GXYLT1: variants seen among roughly 807,000 people sequenced by gnomAD.
The protein encoded by GXYLT1 is glycosyltransferase 8 domain containing 3.
GXYLT1 carries 29 observed loss-of-function variants against 54.0 expected under a neutral mutation model. The ratio of observed to expected loss-of-function variants is 0.54; its 90% CI spans 0.40 to 0.73. GXYLT1 has a LOEUF of 0.73. GXYLT1 is among the 30% of genes least tolerant of loss of function. GXYLT1 has a pLI of 0.00. For synonymous variants in GXYLT1, 176 were observed against 204.1 expected (o/e 0.86, Z 1.17); for missense variants, 490 against 553.4 (o/e 0.89, Z 1.15).
At chr12:42,098,857 TTC>T (rs1401528713) in intron 5 of GXYLT1, among the ~76,000 whole-genome samples, 2 of 150,672 alleles carry the variant, frequency 1.3e-5, no homozygotes, top group African/African-American at 4.9e-5. Context: ...TGTATGCTAT[TTC>T]TTTTGAGGGT....
chr12:42,129,946 A>G (rs555771244), intron 1 of GXYLT1, 95 bp from the exon 2 acceptor site: 2 of 713,968 alleles, frequency 2.8e-6, no homozygotes, highest in Admixed American at 5.3e-5. Flanking sequence ...TTACTGTTCT[A>G]TTTTAAAGCA....
chr12:42,099,156 C>G (rs1034244941), intron 5 of GXYLT1, among the ~76,000 whole-genome samples: 4 of 152,140 alleles, frequency 2.6e-5, no homozygotes, highest in Non-Finnish European at 5.9e-5. Flanking sequence ...TCACCCAACC[C>G]ATTTTAACAA....
At chr12:42,101,225 G>C (rs1366280063) in intron 5 of GXYLT1, among the ~76,000 whole-genome samples, 1 of 152,032 alleles carries the variant, frequency 6.6e-6, no homozygotes, top group Non-Finnish European at 1.5e-5. Flanking sequence ...ATAAGAAAGA[G>C]AAAACCAAGA....
intron 1 of GXYLT1, among the ~76,000 whole-genome samples, chr12:42,132,449 TCAATA>T (rs1304505937): frequency 6.6e-6 from 1 of 152,228 alleles, no homozygotes; most frequent in Non-Finnish European, 1.5e-5. Flanking sequence ...AATACTTCAA[TCAATA>T]CATTTTATTA....
In GXYLT1 at chr12:42,084,697, C is replaced by T. The variant is rs2065277512; in HGVS notation, c.*3089G>A. 1 of 152,288 alleles carries T rather than the reference C, an allele frequency of 6.6e-6. No homozygotes were observed. 9.4% of individuals were successfully genotyped at this position (152,288 alleles called of 1,614,324 possible). On this transcript the variant is annotated 3_prime_UTR_variant, in exon 8 of 8. Transcript: ENST00000398675. ...TTTTCACTATACCAATAACATCTGA[C>T]TGGAGGCAAGATGAGAGAGCAATGA... is the stretch of plus-strand genomic sequence containing the variant.
Position 42,119,000 on chromosome 12 carries a change from T to A in GXYLT1, c.486A>T (p.Arg162Ser). The A allele has an allele frequency of 6.2e-7, 1 of 1,611,050 alleles. No individual in the cohort carries two copies. Among genetic ancestry groups the A allele is most frequent in the East Asian group, 2.2e-5 (1 of 44,868 alleles). Residue 162 changes from arginine to serine, a missense_variant and splice_region_variant, in exon 3 of 8, where the codon AGA (arginine) becomes AGT (serine). Arg to Ser is a moderately radical substitution (Grantham distance 110). Coordinates refer to ENST00000398675, the MANE Select transcript of GXYLT1 (RefSeq NM_173601.2). Reference sequence around the variant, plus strand: ...CCTTGACTATGTCTCAAATACTTACTCTGCCTTTAAAGCTATGATGTAGCT... The same window carrying A: ...CCTTGACTATGTCTCAAATACTTACACTGCCTTTAAAGCTATGATGTAGCT... ...EDQLHHSFKGRLDNWSFLQTF... is the reference protein window; with the variant it reads ...EDQLHHSFKGSLDNWSFLQTF...
At chr12:42,131,866 G>A (rs1376315250) in intron 1 of GXYLT1, among the ~76,000 whole-genome samples, 2 of 152,166 alleles carry the variant, frequency 1.3e-5, no homozygotes, top group Non-Finnish European at 2.9e-5. Flanking sequence ...AGGTAGGTAT[G>A]ATCTCCGTCT....
intron 6 of GXYLT1, 117 bp from the exon 7 acceptor site, chr12:42,097,731 G>T (rs2065364445): frequency 1.8e-6 from 2 of 1,107,532 alleles, no homozygotes; most frequent in Admixed American, 2.7e-5. Context: ...AATGAAAAAT[G>T]TCTGGCATTT....
chr12:42,109,921 A>G (rs1049258949), intron 3 of GXYLT1, among the ~76,000 whole-genome samples: 5 of 152,226 alleles, frequency 3.3e-5, no homozygotes, highest in Non-Finnish European at 7.4e-5. Context: ...GCATAATGAA[A>G]GTTATCAGGG....
intron 5 of GXYLT1, among the ~76,000 whole-genome samples, chr12:42,099,407 A>T (rs1219014716): frequency 1.3e-5 from 2 of 152,208 alleles, no homozygotes; most frequent in African/African-American, 4.8e-5. Context: ...TGTTTATAGT[A>T]GTTTTAATAG....
At position 42,087,526 on chromosome 12, in the gene GXYLT1, T is replaced by G. The variant is rs2065302333; in HGVS notation, c.*260A>C. On this transcript the variant is annotated 3_prime_UTR_variant, in exon 8 of 8. Coordinates refer to ENST00000398675, the MANE Select transcript of GXYLT1 (RefSeq NM_173601.2). ...ACAGAAGTCTGCAGGTTAAACCCAT[T>G]CAATAGTATTTTCATCAATACTGGA... is the stretch of plus-strand genomic sequence containing the variant. The G allele has an allele frequency of 8.6e-6, 3 of 348,488 alleles. No individual in the cohort carries two copies. Among genetic ancestry groups the G allele is most frequent in the Non-Finnish European group, 1.6e-5 (3 of 191,160 alleles). The allele number at this position is 348,488 out of a possible 1,614,324, so 21.6% of individuals were successfully genotyped here. A position where few individuals can be genotyped will look rare whatever the true frequency, so the allele number is the denominator to read the frequency against.
intron 7 of GXYLT1, among the ~76,000 whole-genome samples, chr12:42,093,245 G>A (rs746315890): frequency 6.6e-6 from 1 of 152,056 alleles, no homozygotes; most frequent in African/African-American, 2.4e-5. Context: ...TTACAGGCAC[G>A]TGCCACGATG....
rs1592096159 is a variant in GXYLT1, at chr12:42,085,144, A to T, written c.*2642T>A. 6.6e-6 allele frequency: 1 copy of T among 152,272 alleles called. No individual in the cohort carries two copies. Among genetic ancestry groups the T allele is most frequent in the Non-Finnish European group, 1.5e-5 (1 of 68,048 alleles). 9.4% of individuals were successfully genotyped at this position (152,272 alleles called of 1,614,324 possible). On this transcript the variant is annotated 3_prime_UTR_variant, in exon 8 of 8. Coordinates refer to ENST00000398675, the MANE Select transcript of GXYLT1 (RefSeq NM_173601.2). ...AAAGATAAATTCAGAAAATTCATTT[A>T]AAAATTATTATACATATTTTGTGAT...
intron 7 of GXYLT1, among the ~76,000 whole-genome samples, chr12:42,094,545 G>C (rs1247517875): frequency 1.3e-5 from 2 of 150,422 alleles, no homozygotes; most frequent in Non-Finnish European, 3.0e-5. Context: ...TGTAGTACCA[G>C]CTACTTAGGA....
chr12:42,116,767 C>A (rs1396711204), intron 3 of GXYLT1, among the ~76,000 whole-genome samples: 1 of 152,166 alleles, frequency 6.6e-6, no homozygotes, highest in Non-Finnish European at 1.5e-5. Context: ...ACCCAGCCAT[C>A]CCATTACTGC....
chr12:42,102,909 A>C (rs569498231), intron 5 of GXYLT1, among the ~76,000 whole-genome samples: 1 of 151,954 alleles, frequency 6.6e-6, no homozygotes, highest in African/African-American at 2.4e-5. Flanking sequence ...TTAATTTAAT[A>C]ATTATTTCAT....
intron 7 of GXYLT1, among the ~76,000 whole-genome samples, chr12:42,092,951 C>T (rs550016542): frequency 2.0e-5 from 3 of 152,162 alleles, no homozygotes; most frequent in Admixed American, 6.5e-5. Flanking sequence ...GGGCTGCATG[C>T]GGCCCACTGG....
rs850964 is a variant in GXYLT1 at position 42,106,207 on chromosome 12, C to T, written c.613-138G>A. ...TATTTTAAGGTAATCTTTCCTAAAT[C>T]TGTCATTTTTAACAATAGCATATAT... is the stretch of plus-strand genomic sequence containing the variant. On this transcript the variant is annotated intron_variant, in intron 4 of 7. Coordinates refer to ENST00000398675, the MANE Select transcript of GXYLT1 (RefSeq NM_173601.2). 6.7e-3 allele frequency: 3,955 copies of T among 591,004 alleles called. 150 individuals are homozygous for T. In the African/African-American group the frequency reaches 0.068, roughly 10 times the overall value. 36.6% of individuals were successfully genotyped at this position (591,004 alleles called of 1,614,324 possible).
chr12:42,095,053 T>C (rs1248228178), intron 7 of GXYLT1, among the ~76,000 whole-genome samples: 1 of 152,124 alleles, frequency 6.6e-6, no homozygotes, highest in Admixed American at 6.5e-5. Context: ...TATAAAAAGA[T>C]TAAACTTCAC....
Sources: allele counts gnomAD v4.1 joint callset (sites outside exome capture counted in the v4.1 genomes callset), GRCh38; gene constraint gnomAD v4.1.1; transcripts MANE v1.5; gene names NCBI Gene and HGNC (gene_info 2026-07-23, HGNC 2026-07-21).